Variants in CFAP44 observed in about 807,000 individuals in gnomAD.
The protein encoded by CFAP44 is cilia and flagella associated protein 44.
In CFAP44, 134 loss-of-function variants were observed where a neutral mutation model predicts 216.2. That is an observed-to-expected ratio of 0.62 (90% CI 0.54 to 0.72). The LOEUF (loss-of-function observed/expected upper bound fraction) is 0.72, where lower values mean the gene tolerates loss of function less well. CFAP44 is among the 30% of genes least tolerant of loss of function. The pLI is 0.00. For missense variants in CFAP44, 2,035 were observed against 2,182.1 expected (o/e 0.93, Z 1.34); for synonymous variants, 700 against 727.6 (o/e 0.96, Z 0.61).
Position 113,341,766 on chromosome 3 carries a change from G to C in CFAP44, c.3415C>G (p.Arg1139Gly). 6.8e-7 allele frequency: 1 copy of C among 1,475,860 alleles called. No individual in the cohort carries two copies. The highest frequency in any genetic ancestry group is 8.9e-7 in the Non-Finnish European group (1 of 1,126,116). 91.4% of individuals were successfully genotyped at this position (1,475,860 alleles called of 1,614,324 possible). A position where few individuals can be genotyped will look rare whatever the true frequency, so the allele number is the denominator to read the frequency against. The part of the protein sequence containing the change: ...AERAQLKIQQ[R>G]KKEWEELYKS... Reference sequence around the variant, plus strand: ...CACAGTTCCTCCCATTCTTTTTTTCGCTGTTGAATCTTTAGTTGTGCCCTT... The same window carrying C: ...CACAGTTCCTCCCATTCTTTTTTTCCCTGTTGAATCTTTAGTTGTGCCCTT... Residue 1139 changes from arginine (R) to glycine (G), a missense_variant, in exon 24 of 35, where the codon CGA becomes GGA. This residue lies in a region of CFAP44 where 1,883 missense variants were observed against 2,023.7 expected (regional missense o/e 0.93). Transcript: ENST00000393845.
At chr3:113,347,976 G>A (rs867199532) in intron 22 of CFAP44, among the ~76,000 whole-genome samples, 1 of 152,190 alleles carries the variant, frequency 6.6e-6, no homozygotes, top group African/African-American at 2.4e-5. Flanking sequence ...AGGTTTTCAA[G>A]AATGCATTGG....
At chr3:113,314,184 A>G (rs901533653) in intron 28 of CFAP44, among the ~76,000 whole-genome samples, 6 of 152,220 alleles carry the variant, frequency 3.9e-5, no homozygotes, top group African/African-American at 1.4e-4. Context: ...AGGAATTTGA[A>G]TTCCAAACAG....
chr3:113,329,712 C>T (rs1950223785), intron 26 of CFAP44, among the ~76,000 whole-genome samples: 1 of 152,174 alleles, frequency 6.6e-6, no homozygotes, highest in Non-Finnish European at 1.5e-5. Flanking sequence ...ACCCAGTAAT[C>T]ACCATAAACA....
intron 25 of CFAP44, among the ~76,000 whole-genome samples, chr3:113,333,154 A>C (rs538124363): frequency 5.1e-4 from 77 of 152,296 alleles, no homozygotes; most frequent in Non-Finnish European, 3.1e-4. Context: ...CCCCAGATAT[A>C]CTGTAAGTAT....
At position 113,409,230 on chromosome 3, in the gene CFAP44, T is replaced by A; in HGVS notation, c.766A>T (p.Ile256Phe). 1 of 1,614,126 alleles carries A rather than the reference T, an allele frequency of 6.2e-7. No homozygotes were observed. The highest frequency in any genetic ancestry group is 8.5e-7 in the Non-Finnish European group (1 of 1,180,034). Residue 256 changes from isoleucine (I) to phenylalanine (F), a missense_variant, in exon 7 of 35, where the codon ATC becomes TTC. Physicochemically the swap from Ile to Phe is conservative, Grantham distance 21 (BLOSUM62 0). Around this residue, in one of 3 missense-constraint regions of CFAP44, gnomAD observed 1,883 missense variants for 2,023.7 expected, o/e 0.93. Transcript: ENST00000393845. ...GGTTGTTCTTCTTTCCAGTTCCAGA[T>A]AGTCAGTGTGTAGTCAGGGTTACTA... Reference protein sequence around the residue: ...VGSNPDYTLTIWNWKEEQPIL... With the variant: ...VGSNPDYTLTFWNWKEEQPIL...
intron 23 of CFAP44, 77 bp downstream of exon 23, chr3:113,344,439 A>G: frequency 1.2e-5 from 16 of 1,290,182 alleles, no homozygotes. Context: ...AAGAAGGTTC[A>G]ATGGTTCTGT....
intron 22 of CFAP44, among the ~76,000 whole-genome samples, chr3:113,350,094 C>A (rs980129186): frequency 6.6e-6 from 1 of 152,008 alleles, no homozygotes; most frequent in Admixed American, 6.6e-5. Context: ...TCTTACACTG[C>A]CGAAGCCATG....
At chr3:113,384,609 C>A (rs1368272279) in intron 15 of CFAP44, among the ~76,000 whole-genome samples, 1 of 152,096 alleles carries the variant, frequency 6.6e-6, no homozygotes, top group African/African-American at 2.4e-5. Flanking sequence ...ATAGAGATGA[C>A]CATGTGAGAA....
At chr3:113,334,918 G>A (rs1173742556) in intron 24 of CFAP44, among the ~76,000 whole-genome samples, 1 of 152,168 alleles carries the variant, frequency 6.6e-6, no homozygotes, top group African/African-American at 2.4e-5. Flanking sequence ...TAGCCAACAT[G>A]AGCGTGTACA....
chr3:113,332,541 A>T (rs1950249045), intron 25 of CFAP44, among the ~76,000 whole-genome samples: 1 of 152,242 alleles, frequency 6.6e-6, no homozygotes, highest in African/African-American at 2.4e-5. Context: ...CAACCTCCAC[A>T]ACCACATTAG....
At chr3:113,314,100 C>A (rs973035486) in intron 28 of CFAP44, among the ~76,000 whole-genome samples, 12 of 152,082 alleles carry the variant, frequency 7.9e-5, no homozygotes, top group African/African-American at 2.4e-4. Flanking sequence ...AATATTTATG[C>A]CATCAGAGTA....
At chr3:113,365,811 T>G (rs1950581644) in intron 19 of CFAP44, among the ~76,000 whole-genome samples, 1 of 152,122 alleles carries the variant, frequency 6.6e-6, no homozygotes, top group African/African-American at 2.4e-5. Flanking sequence ...AACTGACACA[T>G]TCTTTTTTAA....
At chr3:113,361,659 C>T (rs1950542528) in intron 21 of CFAP44, among the ~76,000 whole-genome samples, 1 of 151,546 alleles carries the variant, frequency 6.6e-6, no homozygotes, top group South Asian at 2.1e-4. Context: ...CCACACCTGG[C>T]TAATTTTTTT....
rs1934110108 is a variant in CFAP44, at chr3:113,400,441, T to C, written c.1474+104A>G. The C allele has an allele frequency of 2.9e-6, 3 of 1,022,654 alleles. 1 individual carries two copies. The South Asian group carries it at 7.1e-5, about 24-fold the overall frequency. The allele number at this position is 1,022,654 out of a possible 1,614,324, so 63.3% of individuals were successfully genotyped here. A position where few individuals can be genotyped will look rare whatever the true frequency, so the allele number is the denominator to read the frequency against. On this transcript the variant is annotated intron_variant, in intron 12 of 34. Coordinates refer to ENST00000393845, the MANE Select transcript of CFAP44 (RefSeq NM_001164496.2). Reference sequence around the variant, plus strand: ...CGCTTGCATTCAAGAGGCTCCCCTTTTGGGAAAATCCCCAAATGCTCTTAA... The same window carrying C: ...CGCTTGCATTCAAGAGGCTCCCCTTCTGGGAAAATCCCCAAATGCTCTTAA...
chr3:113,401,525 C>T, intron 10 of CFAP44, 59 bp downstream of exon 10: 1 of 1,585,858 alleles, frequency 6.3e-7, no homozygotes, highest in South Asian at 1.1e-5. Flanking sequence ...AATCATACTA[C>T]TACTTTAATT....
At chr3:113,368,166 T>G (rs1933025340) in intron 18 of CFAP44, among the ~76,000 whole-genome samples, 1 of 152,142 alleles carries the variant, frequency 6.6e-6, no homozygotes, top group African/African-American at 2.4e-5. Flanking sequence ...AAAACACTCT[T>G]CAGGATATCA....
intron 24 of CFAP44, among the ~76,000 whole-genome samples, chr3:113,341,353 T>C (rs1423291807): frequency 1.3e-5 from 2 of 152,178 alleles, no homozygotes; most frequent in Admixed American, 6.5e-5. Flanking sequence ...CTGGATTTTT[T>C]TTTTTAAAAG....
intron 15 of CFAP44, among the ~76,000 whole-genome samples, chr3:113,391,729 T>G (rs1363482995): frequency 6.6e-6 from 1 of 152,024 alleles, no homozygotes; most frequent in East Asian, 1.9e-4. Flanking sequence ...TAATCCAATT[T>G]TAAAATTGGG....
intron 3 of CFAP44, chr3:113,426,765 C>G (rs1057060735): frequency 1.4e-5 from 3 of 207,956 alleles, no homozygotes; most frequent in African/African-American, 7.1e-5. Context: ...GTAAGTACTA[C>G]TACTGGCTGG....
Sources: gnomAD v4.1 joint callset for allele counts (sites outside exome capture counted in the v4.1 genomes callset) on GRCh38, gnomAD v4.1.1 for gene constraint, gnomAD v4.1.1 regional missense constraint, MANE v1.5 for transcripts, NCBI Gene and HGNC (gene_info 2026-07-23, HGNC 2026-07-21) for gene names.